The following KRT8 variants were observed in gnomAD, a reference collection of about 807,000 sequenced individuals.
KRT8 encodes keratin, type II cytoskeletal 8.
A neutral mutation model predicts 43.0 loss-of-function variants in KRT8; 24 were observed. That is an observed-to-expected ratio of 0.56 (90% confidence interval 0.40 to 0.78). KRT8 has a LOEUF of 0.78. KRT8 is among the 30% of genes least tolerant of loss of function. The pLI, the probability that KRT8 is intolerant of heterozygous loss-of-function variation, is 0.00. For missense variants in KRT8, 492 were observed against 638.4 expected (o/e 0.77, Z 2.47); for synonymous variants, 214 against 261.2 (o/e 0.82, Z 1.74).
chr12:52,901,821 G>C (rs745644396), intron 2 of KRT8, 43 bp downstream of exon 2: 1 of 1,368,210 alleles, frequency 7.3e-7, no homozygotes, highest in Non-Finnish European at 1.0e-6. Context: ...GGGTGGAGGA[G>C]AGCACGGTGA....
intron 2 of KRT8, among the ~76,000 whole-genome samples, chr12:52,927,043 T>G (rs1942005486): frequency 6.6e-6 from 1 of 152,192 alleles, no homozygotes. Context: ...ATTGCTTTTT[T>G]CCTATCTTCT....
chr12:52,902,882 C>T (rs572634147), intron 1 of KRT8, among the ~76,000 whole-genome samples: 27 of 152,120 alleles, frequency 1.8e-4, no homozygotes, highest in Non-Finnish European at 3.4e-4. Flanking sequence ...CATGGTGGCA[C>T]GCACTTGTAG....
chr12:52,928,058 CAA>C (rs1942022836), intron 2 of KRT8, among the ~76,000 whole-genome samples: 1 of 152,070 alleles, frequency 6.6e-6, no homozygotes. Flanking sequence ...GACTCTGTCT[CAA>C]AAACAAAAAC....
chr12:52,918,209 A>AAGAAGG (rs1565725741), intron 2 of KRT8, among the ~76,000 whole-genome samples: 5 of 113,454 alleles, frequency 4.4e-5, no homozygotes, highest in South Asian at 2.8e-4. Flanking sequence ...GAAGAACAAG[A>AAGAAGG]AGAAGAAGAA....
chr12:52,910,387 T>C (rs1941611209), upstream of KRT8, among the ~76,000 whole-genome samples: 1 of 152,026 alleles, frequency 6.6e-6, no homozygotes, highest in African/African-American at 2.4e-5. Context: ...CCAGAGGAAA[T>C]AGGCCAGAGC....
At chr12:52,918,274 C>A (rs954534275) in intron 2 of KRT8, among the ~76,000 whole-genome samples, 1 of 144,016 alleles carries the variant, frequency 6.9e-6, no homozygotes, top group Non-Finnish European at 1.5e-5. Context: ...ACAGAGTCTG[C>A]GTCAACTGGG....
chr12:52,906,239 C>T (rs1941515128), upstream of KRT8, among the ~76,000 whole-genome samples: 1 of 152,080 alleles, frequency 6.6e-6, no homozygotes, highest in Non-Finnish European at 1.5e-5. Flanking sequence ...AGGCAGAGAA[C>T]GCAGGGGTTG....
intron 2 of KRT8, among the ~76,000 whole-genome samples, chr12:52,927,492 G>T (rs761824384): frequency 6.6e-6 from 1 of 152,186 alleles, no homozygotes. Context: ...CCCAAACTAA[G>T]GGGTGGCCAT....
chr12:52,946,300 C>T lies in KRT8; in HGVS notation c.-47+3156G>A, dbSNP rs188997964. ...ATGACTCAGAGAGACAGACTTCAAA[C>T]CCCTTGAGCCCGTCTTTCGAATTAA... On this transcript the variant is annotated intron_variant, in intron 2 of 6. Coordinates refer to the KRT8 transcript ENST00000546826. 1.5e-3 allele frequency among the ~76,000 whole-genome samples: 226 copies of T among 152,284 alleles called. 1 individual carries two copies. The highest frequency in any genetic ancestry group is 5.3e-3 in the African/African-American group (219 of 41,558).
At chr12:52,916,786 G>A (rs111664646) in intron 2 of KRT8, among the ~76,000 whole-genome samples, 11 of 152,326 alleles carry the variant, frequency 7.2e-5, no homozygotes, top group South Asian at 2.1e-4. Flanking sequence ...CCGCCTTCTC[G>A]CATGCTGACC....
At chr12:52,924,318 G>A (rs541185300) in intron 2 of KRT8, among the ~76,000 whole-genome samples, 9 of 151,950 alleles carry the variant, frequency 5.9e-5, no homozygotes, top group South Asian at 4.2e-4. Flanking sequence ...GCATGGTGGC[G>A]GGCGTCTGTA....
exon 2 of KRT8, chr12:52,949,470 G>A (rs760985349): frequency 1.2e-6 from 2 of 1,613,348 alleles, no homozygotes; most frequent in East Asian, 4.5e-5. Context: ...ACAGAGTGAG[G>A]AGCCTGGAGA....
At chr12:52,944,881 G>T (rs758111825) in intron 2 of KRT8, among the ~76,000 whole-genome samples, 2 of 152,182 alleles carry the variant, frequency 1.3e-5, no homozygotes, top group African/African-American at 2.4e-5. Context: ...AATTCCAGAA[G>T]TCTTGATATC....
upstream of KRT8, among the ~76,000 whole-genome samples, chr12:52,910,487 C>G (rs1034780166): frequency 1.8e-4 from 28 of 152,232 alleles, no homozygotes; most frequent in African/African-American, 5.8e-4. Flanking sequence ...GTCCCCAGAA[C>G]CTGAAACTCC....
chr12:52,928,105 G>A (rs1942023597), intron 2 of KRT8, among the ~76,000 whole-genome samples: 1 of 152,204 alleles, frequency 6.6e-6, no homozygotes, highest in South Asian at 2.1e-4. Flanking sequence ...TTGTGCTGGG[G>A]AAAAGAAGGC....
intron 2 of KRT8, among the ~76,000 whole-genome samples, chr12:52,914,694 G>A (rs926425517): frequency 1.3e-5 from 2 of 152,216 alleles, no homozygotes; most frequent in Non-Finnish European, 2.9e-5. Flanking sequence ...ACAGACTTAA[G>A]CATAAAAAGA....
chr12:52,927,553 G>A (rs1942014602), intron 2 of KRT8, among the ~76,000 whole-genome samples: 1 of 152,216 alleles, frequency 6.6e-6, no homozygotes, highest in African/African-American at 2.4e-5. Flanking sequence ...CTGGCCAGGG[G>A]TGGAGTCGCG....
intron 2 of KRT8, among the ~76,000 whole-genome samples, chr12:52,939,065 AC>A (rs1266582661): frequency 2.0e-5 from 3 of 152,166 alleles, no homozygotes; most frequent in African/African-American, 2.4e-5. Context: ...AACCTGGGTG[AC>A]AGAGCAAGAC....
intron 1 of KRT8, 47 bp from the exon 2 acceptor site, chr12:52,902,119 T>C: frequency 7.9e-7 from 1 of 1,259,978 alleles, no homozygotes; most frequent in Non-Finnish European, 1.1e-6. Context: ...AGGCCAGGGC[T>C]CAAAGTCTGG....
Sources: allele counts gnomAD v4.1 joint callset (sites outside exome capture counted in the v4.1 genomes callset), GRCh38; gene constraint gnomAD v4.1.1; transcripts MANE v1.5; gene names NCBI Gene and HGNC (gene_info 2026-07-23, HGNC 2026-07-21).